Variants in EYS observed in about 807,000 individuals in gnomAD.
EYS encodes the protein protein eyes shut homolog.
EYS carries 250 observed loss-of-function variants against 282.1 expected under a neutral mutation model. The ratio of observed to expected loss-of-function variants is 0.89; its 90% CI spans 0.80 to 0.98. The LOEUF (loss-of-function observed/expected upper bound fraction) is 0.98, where lower values mean the gene tolerates loss of function less well. Ranked by LOEUF, EYS falls within the 50% of genes least tolerant of loss-of-function variation. EYS has a pLI of 0.00. For missense variants in EYS, 4,016 were observed against 3,709.0 expected, an observed-to-expected ratio of 1.08 and a Z score of -2.15; for synonymous variants, 1,355 against 1,282.9, an observed-to-expected ratio of 1.06 and a Z score of -1.20.
intron 12 of EYS, among the ~76,000 whole-genome samples, chr6:65,162,008 T>A (rs907431413): frequency 1.3e-5 from 2 of 151,242 alleles, no homozygotes; most frequent in Admixed American, 6.6e-5. Flanking sequence ...AAATATAAGG[T>A]CTTACTTATG....
At chr6:64,710,375 G>A (rs1466467394) in intron 22 of EYS, among the ~76,000 whole-genome samples, 2 of 152,178 alleles carry the variant, frequency 1.3e-5, no homozygotes, top group Non-Finnish European at 2.9e-5. Flanking sequence ...AGAGTGCCAA[G>A]CATGGGCCAT....
At chr6:64,493,519 A>G (rs1420977522) in intron 26 of EYS, among the ~76,000 whole-genome samples, 1 of 151,586 alleles carries the variant, frequency 6.6e-6, no homozygotes, top group East Asian at 1.9e-4. Context: ...TTACATATAG[A>G]TGATCAATTT....
At chr6:65,651,756 C>T (rs1767658077) in intron 1 of EYS, among the ~76,000 whole-genome samples, 1 of 151,888 alleles carries the variant, frequency 6.6e-6, no homozygotes, top group Admixed American at 6.6e-5. Flanking sequence ...TGTAAAAAAT[C>T]CAGAGTCTCC....
At chr6:64,734,739 T>C (rs975580007) in intron 22 of EYS, among the ~76,000 whole-genome samples, 1 of 152,056 alleles carries the variant, frequency 6.6e-6, no homozygotes, top group Non-Finnish European at 1.5e-5. Context: ...AGAGTAGAGA[T>C]TGGAGAAAAT....
intron 2 of EYS, among the ~76,000 whole-genome samples, chr6:65,511,810 G>C (rs915631054): frequency 6.6e-6 from 1 of 151,626 alleles, no homozygotes; most frequent in Non-Finnish European, 1.5e-5. Flanking sequence ...CAAACTAGCT[G>C]GGTGTGATGG....
At position 63,834,681 on chromosome 6, in the gene EYS, A is replaced by G. The variant is rs567081548; in HGVS notation, c.7229-28309T>C. 5.9e-5 allele frequency among the ~76,000 whole-genome samples: 9 copies of G among 151,342 alleles called. No individual in the cohort carries two copies. In the East Asian group the frequency reaches 1.8e-3, roughly 30 times the overall value. On this transcript the variant is annotated intron_variant, in intron 36 of 42. Transcript: ENST00000503581. ...GATCTAAAGCTAGAAATACCATTTG[A>G]CCCAGCCATCCCATTACTGGGCATA...
In EYS at chr6:65,026,842, G is replaced by A. The variant is rs537910018; in HGVS notation, c.2138-29139C>T. 2.3e-3 allele frequency among the ~76,000 whole-genome samples: 354 copies of A among 151,770 alleles called. 3 individuals carry two copies. The highest frequency in any genetic ancestry group is 3.6e-3 in the Non-Finnish European group (244 of 67,902). ...TGAGGCAGGAGGATTGCTTGAATCC[G>A]GGAGGCAGAGGTTGCAGTGAGCCAA... On this transcript the variant is annotated intron_variant, in intron 13 of 42. Coordinates refer to ENST00000503581, the MANE Select transcript of EYS (RefSeq NM_001142800.2).
chr6:64,483,994 T>C (rs1289339962), intron 26 of EYS, among the ~76,000 whole-genome samples: 1 of 151,640 alleles, frequency 6.6e-6, no homozygotes, highest in Middle Eastern at 3.2e-3. Flanking sequence ...AGTTTTAATA[T>C]GGGGAAAATA....
chr6:64,051,120 C>A (rs935214536), intron 33 of EYS, among the ~76,000 whole-genome samples: 3 of 152,006 alleles, frequency 2.0e-5, no homozygotes, highest in Non-Finnish European at 4.4e-5. Flanking sequence ...GGGTTAGGAG[C>A]TGGGAGTATT....
At chr6:65,312,514 C>T (rs918912395) in intron 11 of EYS, among the ~76,000 whole-genome samples, 1 of 152,100 alleles carries the variant, frequency 6.6e-6, no homozygotes, top group Non-Finnish European at 1.5e-5. Context: ...TCTATAAGTG[C>T]CATGAAAACC....
chr6:64,706,021 A>C (rs957802861), intron 22 of EYS, among the ~76,000 whole-genome samples: 61 of 17,940 alleles, frequency 3.4e-3, no homozygotes, highest in African/African-American at 6.1e-3. Flanking sequence ...AATTATTCAA[A>C]AAAAAAAAAG....
chr6:64,732,556 A>G (rs1772009680), intron 22 of EYS, among the ~76,000 whole-genome samples: 1 of 152,190 alleles, frequency 6.6e-6, no homozygotes, highest in Admixed American at 6.5e-5. Flanking sequence ...TTATTTTTGA[A>G]TTCTTATTTT....
chr6:64,780,545 T>C (rs966832041), intron 22 of EYS, among the ~76,000 whole-genome samples: 1 of 152,052 alleles, frequency 6.6e-6, no homozygotes, highest in South Asian at 2.1e-4. Context: ...GGGTTGAGGG[T>C]TGAACAATTA....
chr6:64,798,680 A>C (rs1332990043), intron 22 of EYS, among the ~76,000 whole-genome samples: 2 of 140,276 alleles, frequency 1.4e-5, no homozygotes, highest in Non-Finnish European at 3.0e-5. Flanking sequence ...AGTTGAACTC[A>C]TTGTCTCCAG....
Position 64,660,680 on chromosome 6 carries a change from G to A in EYS, c.3444-34435C>T, listed in dbSNP as rs1474560994. Among the ~76,000 whole-genome samples the A allele has an allele frequency of 3.9e-5, 6 of 152,100 alleles. No homozygotes were observed. In the South Asian group the frequency reaches 1.2e-3, roughly 32 times the overall value. ...AAATACCTAGGAATCCAATTTACAAGGGATGTGAAGGACCTCTTCAAGGAG... is the reference window on the plus strand; with the variant it reads ...AAATACCTAGGAATCCAATTTACAAAGGATGTGAAGGACCTCTTCAAGGAG... On this transcript the variant is annotated intron_variant, in intron 22 of 42. Transcript: ENST00000503581.
At chr6:65,129,671 C>A (rs1305357594) in intron 12 of EYS, among the ~76,000 whole-genome samples, 1 of 151,726 alleles carries the variant, frequency 6.6e-6, no homozygotes, top group East Asian at 1.9e-4. Flanking sequence ...AACAGGTTAC[C>A]TCTGAGGCTG....
chr6:64,830,446 A>G (rs1175184656), intron 19 of EYS, among the ~76,000 whole-genome samples: 3 of 151,960 alleles, frequency 2.0e-5, no homozygotes, highest in African/African-American at 7.2e-5. Flanking sequence ...CAGAGTCTTC[A>G]TTGTCATTCA....
At chr6:64,224,206 T>A (rs1405974844) in intron 31 of EYS, among the ~76,000 whole-genome samples, 1 of 152,062 alleles carries the variant, frequency 6.6e-6, no homozygotes, top group Non-Finnish European at 1.5e-5. Context: ...AACACAAAGA[T>A]CTTCTATGCT....
intron 29 of EYS, among the ~76,000 whole-genome samples, chr6:64,329,918 C>T (rs546134167): frequency 1.3e-5 from 2 of 152,292 alleles, no homozygotes; most frequent in African/African-American, 4.8e-5. Context: ...ATGCATTCTT[C>T]TGCATCCAAC....
Sources: gnomAD v4.1 joint callset for allele counts (sites outside exome capture counted in the v4.1 genomes callset) on GRCh38, gnomAD v4.1.1 for gene constraint, MANE v1.5 for transcripts, NCBI Gene and HGNC (gene_info 2026-07-23, HGNC 2026-07-21) for gene names.